FAM163B: variants seen among roughly 807,000 people sequenced by gnomAD.
The protein encoded by FAM163B is family with sequence similarity 163 member B.
FAM163B carries 4 observed loss-of-function variants against 7.6 expected under a neutral mutation model. The ratio of observed to expected loss-of-function variants is 0.52; its 90% CI spans 0.26 to 1.20. The LOEUF is 1.20. Ranked by LOEUF, FAM163B falls within the 50% of genes most tolerant of loss-of-function variation. The pLI, the probability that FAM163B is intolerant of heterozygous loss-of-function variation, is 0.14. For missense variants in FAM163B, 250 were observed against 243.0 expected (o/e 1.03, Z -0.19); for synonymous variants, 120 against 111.6 (o/e 1.07, Z -0.47).
chr9:133,593,881 CCCTT>C (rs1403973051), intron 1 of FAM163B, among the ~76,000 whole-genome samples: 2 of 152,206 alleles, frequency 1.3e-5, no homozygotes, highest in Non-Finnish European at 2.9e-5. Context: ...CTTGGAATTT[CCCTT>C]CCTAAGTCTG....
rs1430607137 is a variant in FAM163B at position 133,600,103 on chromosome 9, ATG to A, written c.-24+8972_-24+8973del. ...TGTCTGTGTGCATGTGTGCCTCTGA[ATG>A]TGTGTGGTCTATGTGTATGTGTGTC... On this transcript the variant is annotated intron_variant, in intron 1 of 2. Transcript: ENST00000673969. The surrounding 1 kb of genome is among the most constrained non-coding windows in gnomAD (Gnocchi z 4.9). 2.8e-5 allele frequency among the ~76,000 whole-genome samples: 4 copies of A among 143,208 alleles called. No homozygotes were observed. In the East Asian group the frequency reaches 8.5e-4, roughly 30 times the overall value. The allele number at this position is 143,208 out of a possible 152,430, so 94.0% of individuals were successfully genotyped here. A position where few individuals can be genotyped will look rare whatever the true frequency, so the allele number is the denominator to read the frequency against.
chr9:133,595,121 G>A (rs531722281), intron 1 of FAM163B, among the ~76,000 whole-genome samples: 13 of 152,264 alleles, frequency 8.5e-5, no homozygotes, highest in Admixed American at 3.9e-4. Context: ...CCTGGGGAGC[G>A]GGGCTGCAGG....
At position 133,601,606 on chromosome 9, in the gene FAM163B, C is replaced by T. The variant is rs577304144; in HGVS notation, c.-24+7471G>A. Among the ~76,000 whole-genome samples the T allele has an allele frequency of 2.7e-3, 412 of 152,344 alleles. 2 individuals carry two copies. The highest frequency in any genetic ancestry group is 5.1e-3 in the Admixed American group (78 of 15,314). The stretch of plus-strand genomic sequence containing the variant: ...AGCTACCCCCCGGACTGCTCCTACA[C>T]GCTGGCTTGCTTCCCATTTCTGGAA... On this transcript the variant is annotated intron_variant, in intron 1 of 2. Coordinates refer to ENST00000673969, the MANE Select transcript of FAM163B (RefSeq NM_001080515.3). The surrounding 1 kb of genome is among the most constrained non-coding windows in gnomAD (Gnocchi z 4.1).
intron 1 of FAM163B, among the ~76,000 whole-genome samples, chr9:133,591,682 C>A (rs1210420305): frequency 6.6e-6 from 1 of 152,198 alleles, no homozygotes; most frequent in African/African-American, 2.4e-5. Flanking sequence ...GATGCTGATG[C>A]AGCGGGCGCG....
At chr9:133,585,163 G>A (rs1455291039) in intron 1 of FAM163B, among the ~76,000 whole-genome samples, 1 of 152,262 alleles carries the variant, frequency 6.6e-6, no homozygotes, top group African/African-American at 2.4e-5. Flanking sequence ...AGCCAGCTGC[G>A]TTTACAAGCT....
chr9:133,597,358 G>A (rs996528718), intron 1 of FAM163B, among the ~76,000 whole-genome samples: 9 of 152,164 alleles, frequency 5.9e-5, no homozygotes, highest in African/African-American at 9.7e-5. Context: ...TGCAGTGGAT[G>A]GAATTAACCT....
At chr9:133,597,924 A>C (rs570384224) in intron 1 of FAM163B, among the ~76,000 whole-genome samples, 11 of 152,278 alleles carry the variant, frequency 7.2e-5, no homozygotes, top group Non-Finnish European at 1.6e-4. Flanking sequence ...GGAGATGAAG[A>C]GCAGCATTTA....
chr9:133,580,122 C>CG lies in FAM163B; in HGVS notation c.93+8dup. On this transcript the variant is annotated intron_variant, in intron 2 of 2. Transcript: ENST00000673969. ...CTGCCCTGTCCCCTTCCCCGCCGCCCGGGAATACCTGGAGCCGGCAGTAGC... is the reference window on the plus strand; with the variant it reads ...CTGCCCTGTCCCCTTCCCCGCCGCCCGGGGAATACCTGGAGCCGGCAGTAGC... 6.2e-7 allele frequency: 1 copy of CG among 1,609,982 alleles called. No homozygotes were observed.
chr9:133,591,986 C>G (rs1220664115), intron 1 of FAM163B, among the ~76,000 whole-genome samples: 1 of 152,142 alleles, frequency 6.6e-6, no homozygotes, highest in Non-Finnish European at 1.5e-5. Flanking sequence ...CCGGGCCTCG[C>G]CTTCTCCAGG....
intron 1 of FAM163B, among the ~76,000 whole-genome samples, chr9:133,605,297 G>C (rs1220398342): frequency 2.0e-5 from 3 of 152,208 alleles, no homozygotes; most frequent in Non-Finnish European, 4.4e-5. Flanking sequence ...AACCTCACGA[G>C]GGACGCATAG....
At chr9:133,592,215 G>A (rs868625739) in intron 1 of FAM163B, among the ~76,000 whole-genome samples, 7 of 152,108 alleles carry the variant, frequency 4.6e-5, no homozygotes, top group Non-Finnish European at 7.4e-5. Context: ...TGGCTGAGGC[G>A]GAGCCCCTGG....
At chr9:133,580,825 T>C (rs1225706942) in intron 1 of FAM163B, among the ~76,000 whole-genome samples, 1 of 152,380 alleles carries the variant, frequency 6.6e-6, no homozygotes, top group East Asian at 1.9e-4. Context: ...TTTGTACGTG[T>C]GCGGCTTAGT....
intron 1 of FAM163B, among the ~76,000 whole-genome samples, chr9:133,592,982 C>T (rs1588329470): frequency 1.3e-5 from 2 of 152,306 alleles, no homozygotes; most frequent in East Asian, 3.9e-4. Flanking sequence ...CACAGCTTTG[C>T]TGGTGGTGCC....
chr9:133,608,076 C>T (rs1268961682), intron 1 of FAM163B, among the ~76,000 whole-genome samples: 3 of 152,200 alleles, frequency 2.0e-5, no homozygotes, highest in Non-Finnish European at 4.4e-5. Context: ...CCCTGAAGAG[C>T]GTGAGTTGGC....
rs1831695194 is a variant in FAM163B, at chr9:133,600,042, T to C, written c.-24+9035A>G. ...TTTGTGTGCATGTATGTGTGGTCTG[T>C]GTGGATGTGTGTGAGTTTGTGTGTG... On this transcript the variant is annotated intron_variant, in intron 1 of 2. Coordinates refer to ENST00000673969, the MANE Select transcript of FAM163B (RefSeq NM_001080515.3). This position sits in a 1 kb window ranked among gnomAD's most constrained non-coding sequence, Gnocchi z 4.9. 1.4e-5 allele frequency among the ~76,000 whole-genome samples: 2 copies of C among 146,970 alleles called. No homozygotes were observed. The highest frequency in any genetic ancestry group is 3.0e-5 in the Non-Finnish European group (2 of 67,162).
Position 133,609,161 on chromosome 9 carries a change from C to A in FAM163B, c.-108G>T, listed in dbSNP as rs1344300061. 1.3e-5 allele frequency among the ~76,000 whole-genome samples: 2 copies of A among 151,934 alleles called. No individual in the cohort carries two copies. Among genetic ancestry groups the A allele is most frequent in the African/African-American group, 4.8e-5 (2 of 41,420 alleles). On this transcript the variant is annotated 5_prime_UTR_variant, in exon 1 of 3. Coordinates refer to ENST00000673969, the MANE Select transcript of FAM163B (RefSeq NM_001080515.3). ...GGGCGGGCGTCCGACCCGGGCAGGG[C>A]GCAGCTAGCGGCGGCCGCTCATGCC...
At chr9:133,603,245 A>T (rs3025331) in intron 1 of FAM163B, among the ~76,000 whole-genome samples, 72,445 of 152,062 alleles carry the variant, frequency 0.48, 17,732 homozygotes, top group South Asian at 0.68. Flanking sequence ...CCACTGATGC[A>T]CCCAGGCGCC....
intron 1 of FAM163B, among the ~76,000 whole-genome samples, chr9:133,595,624 A>C (rs1831620908): frequency 6.6e-6 from 1 of 152,014 alleles, no homozygotes; most frequent in Admixed American, 6.6e-5. Flanking sequence ...GAAGGGGCCC[A>C]GGGTCAGGCC....
At chr9:133,580,392 G>T in intron 1 of FAM163B, 146 bp from the exon 2 acceptor site, 1 of 668,838 alleles carries the variant, frequency 1.5e-6, no homozygotes, top group Non-Finnish European at 2.6e-6. Flanking sequence ...TGCCGGGGAC[G>T]GGGTGCAGCA....
Sources: gnomAD v4.1 joint callset for allele counts (sites outside exome capture counted in the v4.1 genomes callset) on GRCh38, gnomAD v4.1.1 for gene constraint, Gnocchi (gnomAD v3.1) non-coding constraint, MANE v1.5 for transcripts, NCBI Gene and HGNC (gene_info 2026-07-23, HGNC 2026-07-21) for gene names.